GCKR: variants seen among roughly 807,000 people sequenced by gnomAD.
GCKR encodes glucokinase regulatory protein.
In GCKR, 73 loss-of-function variants were observed where a neutral mutation model predicts 82.9. The ratio of observed to expected loss-of-function variants is 0.88; its 90% CI spans 0.73 to 1.07. The LOEUF (loss-of-function observed/expected upper bound fraction) is 1.07. Among genes scored for constraint, GCKR ranks in the 50% least tolerant of loss-of-function variants. The pLI, the probability that GCKR is intolerant of heterozygous loss-of-function variation, is 0.00. For synonymous variants in GCKR, 294 were observed against 291.8 expected (o/e 1.01, Z -0.08); for missense variants, 784 against 782.1 (o/e 1.00, Z -0.03).
At position 27,523,408 on chromosome 2, in the gene GCKR, C is replaced by G; in HGVS notation, c.1847C>G (p.Pro616Arg). ...CCAGGTCAGAAGCGCACTGCGGACC[C>G]CCTCGAGATCCTAGAGCCTGACGTT... ...AGPGQKRTAD[P>R]LEILEPDVQ Residue 616 changes from proline (P) to arginine (R), a missense_variant, in exon 19 of 19, where the codon CCC becomes CGC. Pro to Arg is a moderately radical substitution (Grantham distance 103). Coordinates refer to ENST00000264717, the MANE Select transcript of GCKR (RefSeq NM_001486.4). 1 of 1,609,722 alleles carries G rather than the reference C, an allele frequency of 6.2e-7. No individual in the cohort carries two copies. The highest frequency in any genetic ancestry group is 8.5e-7 in the Non-Finnish European group (1 of 1,179,992).
intron 9 of GCKR, among the ~76,000 whole-genome samples, chr2:27,504,675 G>T (rs1321062803): frequency 6.6e-6 from 1 of 151,978 alleles, no homozygotes; most frequent in Non-Finnish European, 1.5e-5. Flanking sequence ...CATTCTGTTT[G>T]CTGTAGCCTC....
rs1239035210 is a variant in GCKR at position 27,496,879 on chromosome 2, G to A, written c.-26G>A. 3 of 1,602,616 alleles carry A rather than the reference G, an allele frequency of 1.9e-6. No homozygotes were observed. The African/African-American group carries it at 4.0e-5, about 21-fold the overall frequency. On this transcript the variant is annotated 5_prime_UTR_variant, in exon 1 of 19. Transcript: ENST00000264717. ...GTTTGTGTGGCTGAAGAGGCAGGAG[G>A]AACAGTGTATCCACAGCGTGGGACC...
intron 13 of GCKR, 138 bp downstream of exon 13, chr2:27,507,449 G>A (rs1334719451): frequency 3.3e-5 from 25 of 758,704 alleles, no homozygotes; most frequent in Non-Finnish European, 5.0e-5. Flanking sequence ...CAGAAGTCAT[G>A]AGGCTTTGGC....
intron 16 of GCKR, among the ~76,000 whole-genome samples, chr2:27,516,819 T>TA (rs570822219): frequency 2.6e-5 from 4 of 152,194 alleles, no homozygotes; most frequent in Non-Finnish European, 4.4e-5. Context: ...ACTGCATACT[T>TA]ACTGGCCAGT....
At chr2:27,504,540 TAGAC>T (rs1669662748) in intron 9 of GCKR, among the ~76,000 whole-genome samples, 2 of 151,796 alleles carry the variant, frequency 1.3e-5, no homozygotes, top group South Asian at 4.2e-4. Context: ...GTATTTTTAA[TAGAC>T]AGCCTGTTGG....
chr2:27,522,889 AGG>A (rs1039015250), intron 18 of GCKR, among the ~76,000 whole-genome samples: 1 of 136,464 alleles, frequency 7.3e-6, no homozygotes, highest in African/African-American at 2.8e-5. Context: ...TAACTCCTCC[AGG>A]GTTCTGTTTT....
In GCKR at chr2:27,522,664, C is replaced by T. The variant is rs373070011; in HGVS notation, c.1707+70C>T. The T allele has an allele frequency of 4.3e-5, 58 of 1,337,710 alleles. No individual in the cohort carries two copies. In the East Asian group the frequency reaches 7.6e-4, roughly 17 times the overall value. 82.9% of individuals were successfully genotyped at this position (1,337,710 alleles called of 1,614,324 possible). A position where few individuals can be genotyped will look rare whatever the true frequency, so the allele number is the denominator to read the frequency against. ...CTTTCAGTGTGTCAGGAAGTTTGTT[C>T]GGCACTGGGTTTACAAAGCTCAGTG... On this transcript the variant is annotated intron_variant, in intron 18 of 18. Coordinates refer to ENST00000264717, the MANE Select transcript of GCKR (RefSeq NM_001486.4).
At chr2:27,520,254 T>C (rs1235113553) in intron 17 of GCKR, among the ~76,000 whole-genome samples, 1 of 151,908 alleles carries the variant, frequency 6.6e-6, no homozygotes, top group Non-Finnish European at 1.5e-5. Flanking sequence ...AGTGGAGGTA[T>C]AAAGAAGGTG....
Position 27,508,058 on chromosome 2 carries a change from TG to T in GCKR, c.1325del (p.Gly442ValfsTer5). 1 of 1,613,500 alleles carries T rather than the reference TG, an allele frequency of 6.2e-7. No individual in the cohort carries two copies. Among genetic ancestry groups the T allele is most frequent in the Non-Finnish European group, 8.5e-7 (1 of 1,179,434 alleles). ...ATCCAGGCCCTGGCACACAGCACCG[TG>T]GGTCAGACCTTGCTGGTGAGAGTCC... ...NHIQALAHST[V>X]GQTLLIPLKK... On this transcript the variant is annotated frameshift_variant, in exon 15 of 19. Coordinates refer to ENST00000264717, the MANE Select transcript of GCKR (RefSeq NM_001486.4). LOFTEE classifies it high-confidence loss of function.
chr2:27,515,765 ATTTT>A (rs60183178), intron 16 of GCKR, among the ~76,000 whole-genome samples: 12,424 of 106,494 alleles, frequency 0.12, 615 homozygotes, highest in East Asian at 0.35. Flanking sequence ...ATATATATAT[ATTTT>A]TTTTTTTTTT....
chr2:27,506,673 C>T (rs1012917565), intron 11 of GCKR, 94 bp downstream of exon 11: 29 of 1,102,580 alleles, frequency 2.6e-5, no homozygotes, highest in Admixed American at 1.2e-4. Context: ...ACGGTATGGG[C>T]GATAGGATTG....
In GCKR at chr2:27,523,377, G is replaced by A. The variant is rs753916714; in HGVS notation, c.1816G>A (p.Ala606Thr). Residue 606 changes from alanine (A) to threonine (T), a missense_variant, in exon 19 of 19, where the codon GCT becomes ACT. By Grantham distance (58) the Ala-to-Thr change is moderately conservative. Coordinates refer to ENST00000264717, the MANE Select transcript of GCKR (RefSeq NM_001486.4). Reference protein sequence around the residue: ...SVCEAVRSALAGPGQKRTADP... With the variant: ...SVCEAVRSALTGPGQKRTADP... ...CTGTGAGGCTGTCAGGAGTGCTCTT[G>A]CTGGGCCAGGTCAGAAGCGCACTGC... 1.5e-5 allele frequency: 24 copies of A among 1,612,162 alleles called. No homozygotes were observed. The highest frequency in any genetic ancestry group is 2.0e-5 in the Non-Finnish European group (24 of 1,179,990).
rs375836361 is a variant in GCKR at position 27,497,334 on chromosome 2, C to G, written c.151C>G (p.Arg51Gly). The G allele has an allele frequency of 6.2e-7, 1 of 1,614,118 alleles. No individual in the cohort carries two copies. Among genetic ancestry groups the G allele is most frequent in the South Asian group, 1.1e-5 (1 of 91,082 alleles). The part of the protein sequence containing the change: ...LDKADAENIV[R>G]LLGQCDAEIF... ...CAAAGCAGATGCTGAGAACATTGTT[C>G]GACTGCTAGGGCAATGTGATGCTGA... The change falls in exon 2 of 19, where the codon CGA (arginine) becomes GGA (glycine). Residue 51 changes from arginine to glycine, a missense_variant. By Grantham distance (125) the Arg-to-Gly change is moderately radical (BLOSUM62 -2). Transcript: ENST00000264717.
chr2:27,520,114 A>G, intron 17 of GCKR, among the ~76,000 whole-genome samples: 1 of 152,078 alleles, frequency 6.6e-6, no homozygotes, highest in South Asian at 2.1e-4. Context: ...GATTTTTTTC[A>G]TTATATATTT....
chr2:27,507,634 T>G (rs771069478), intron 13 of GCKR, 47 bp from the exon 14 acceptor site: 1 of 998,616 alleles, frequency 1.0e-6, no homozygotes, highest in Non-Finnish European at 1.6e-6. Flanking sequence ...AGTCTGTGCT[T>G]TAGAGTGTTT....
At chr2:27,516,460 T>C (rs1670013208) in intron 16 of GCKR, among the ~76,000 whole-genome samples, 1 of 151,608 alleles carries the variant, frequency 6.6e-6, no homozygotes. Context: ...CAGGCAAATT[T>C]TCTTTTGTAT....
chr2:27,511,225 A>G (rs1295117543), intron 16 of GCKR, among the ~76,000 whole-genome samples: 2 of 151,354 alleles, frequency 1.3e-5, no homozygotes, highest in Admixed American at 1.3e-4. Flanking sequence ...ACAGGGTTTC[A>G]CCATGTTGGC....
At position 27,506,948 on chromosome 2, in the gene GCKR, C is replaced by G. The variant is rs1013364325; in HGVS notation, c.1066+63C>G. On this transcript the variant is annotated intron_variant, in intron 12 of 18. Coordinates refer to ENST00000264717, the MANE Select transcript of GCKR (RefSeq NM_001486.4). The stretch of plus-strand genomic sequence containing the variant: ...TGATCCCAACCATTCGGGCTGCTCT[C>G]CAAACACTGTCCTACTCCCAACCCA... 3.0e-5 allele frequency: 33 copies of G among 1,085,308 alleles called. No homozygotes were observed. In the African/African-American group the frequency reaches 4.6e-4, roughly 15 times the overall value. 67.2% of individuals were successfully genotyped at this position (1,085,308 alleles called of 1,614,324 possible).
chr2:27,507,608 C>T (rs1669780265), intron 13 of GCKR, 73 bp from the exon 14 acceptor site: 6 of 830,938 alleles, frequency 7.2e-6, no homozygotes, highest in South Asian at 6.7e-5. Flanking sequence ...TCCTCCACGG[C>T]CCCCTTTAGT....
Sources: allele counts gnomAD v4.1 joint callset (sites outside exome capture counted in the v4.1 genomes callset), GRCh38; gene constraint gnomAD v4.1.1; transcripts MANE v1.5; gene names NCBI Gene and HGNC (gene_info 2026-07-23, HGNC 2026-07-21).